Variants in EFNA5 observed in about 807,000 individuals in gnomAD.
EFNA5 encodes ephrin-A5.
Under a neutral mutation model 22.9 loss-of-function variants are expected in EFNA5, and 5 were observed. The ratio of observed to expected loss-of-function variants is 0.22; its 90% confidence interval spans 0.11 to 0.46. EFNA5 has a LOEUF of 0.46. Among genes scored for constraint, EFNA5 ranks in the 20% least tolerant of loss-of-function variants. The pLI is 0.99. For synonymous variants in EFNA5, 113 were observed against 112.2 expected (o/e 1.01, Z -0.04); for missense variants, 237 against 293.3 (o/e 0.81, Z 1.40).
At chr5:107,571,148 G>T (rs764620266) in intron 1 of EFNA5, among the ~76,000 whole-genome samples, 2 of 152,196 alleles carry the variant, frequency 1.3e-5, no homozygotes, top group Non-Finnish European at 2.9e-5. Flanking sequence ...AGTGGGGGAA[G>T]AGGGCTTAGG....
At chr5:107,613,866 A>G (rs1749867031) in intron 1 of EFNA5, among the ~76,000 whole-genome samples, 1 of 152,136 alleles carries the variant, frequency 6.6e-6, no homozygotes, top group African/African-American at 2.4e-5. Context: ...ACCCAATCAG[A>G]AAAGACTCAA....
At chr5:107,531,826 A>G (rs1214584321) in intron 1 of EFNA5, among the ~76,000 whole-genome samples, 1 of 152,228 alleles carries the variant, frequency 6.6e-6, no homozygotes, top group Non-Finnish European at 1.5e-5. Context: ...AGAAATCTTG[A>G]TTTAGTAGAT....
chr5:107,440,860 A>G (rs926010134), intron 1 of EFNA5, among the ~76,000 whole-genome samples: 34 of 152,142 alleles, frequency 2.2e-4, no homozygotes, highest in African/African-American at 8.2e-4. Context: ...TGTGATGGTA[A>G]ATGTTACTCT....
intron 1 of EFNA5, among the ~76,000 whole-genome samples, chr5:107,477,988 G>A (rs1435827663): frequency 1.3e-5 from 2 of 152,066 alleles, no homozygotes; most frequent in Non-Finnish European, 2.9e-5. Flanking sequence ...GCCATTTTTA[G>A]TGATAACCAC....
chr5:107,420,286 C>A (rs750842317), intron 2 of EFNA5, among the ~76,000 whole-genome samples: 1 of 151,914 alleles, frequency 6.6e-6, no homozygotes, highest in African/African-American at 2.4e-5. Flanking sequence ...TCAAAAAATG[C>A]AAAACTTTTT....
chr5:107,490,021 T>G (rs1339649299), intron 1 of EFNA5, among the ~76,000 whole-genome samples: 1 of 152,098 alleles, frequency 6.6e-6, no homozygotes, highest in Non-Finnish European at 1.5e-5. Flanking sequence ...GTCCCTCAGC[T>G]GGGGTACAAG....
intron 2 of EFNA5, among the ~76,000 whole-genome samples, chr5:107,392,517 A>G (rs1329776872): frequency 1.3e-5 from 2 of 152,182 alleles, no homozygotes; most frequent in Non-Finnish European, 2.9e-5. Flanking sequence ...AGTGAGCTGC[A>G]AAGTGAATCC....
intron 1 of EFNA5, among the ~76,000 whole-genome samples, chr5:107,600,408 G>A (rs540787581): frequency 3.9e-5 from 6 of 152,168 alleles, no homozygotes; most frequent in South Asian, 2.1e-4. Context: ...ATTCACTAAC[G>A]ATTACAACCT....
At position 107,380,621 on chromosome 5, in the gene EFNA5, T is replaced by C. The variant is rs943580674; in HGVS notation, c.*634A>G. 2.6e-6 allele frequency: 1 copy of C among 382,742 alleles called. No homozygotes were observed. The highest frequency in any genetic ancestry group is 4.6e-6 in the Non-Finnish European group (1 of 216,894). The allele number at this position is 382,742 out of a possible 1,614,324, so 23.7% of individuals were successfully genotyped here. On this transcript the variant is annotated 3_prime_UTR_variant, in exon 5 of 5. Coordinates refer to ENST00000333274, the MANE Select transcript of EFNA5 (RefSeq NM_001962.3). Reference sequence around the variant, plus strand: ...TTCTTTTAGAGAGCACAAGTTTTGCTGTCAAGAATGCTTTAAGACAGTCAT... The same window carrying C: ...TTCTTTTAGAGAGCACAAGTTTTGCCGTCAAGAATGCTTTAAGACAGTCAT...
chr5:107,604,093 T>G (rs1749660115), intron 1 of EFNA5, among the ~76,000 whole-genome samples: 1 of 152,220 alleles, frequency 6.6e-6, no homozygotes, highest in Non-Finnish European at 1.5e-5. Flanking sequence ...AATATTATTC[T>G]GCAATATGCA....
chr5:107,471,524 A>G (rs1284860361), intron 1 of EFNA5, among the ~76,000 whole-genome samples: 1 of 152,230 alleles, frequency 6.6e-6, no homozygotes, highest in African/African-American at 2.4e-5. Flanking sequence ...GGATCATGTC[A>G]CTATCTTGTC....
intron 1 of EFNA5, among the ~76,000 whole-genome samples, chr5:107,569,415 T>A (rs960091063): frequency 2.1e-5 from 3 of 144,096 alleles, no homozygotes; most frequent in Non-Finnish European, 4.5e-5. Flanking sequence ...ATATATATAT[T>A]TATGTATATG....
intron 1 of EFNA5, among the ~76,000 whole-genome samples, chr5:107,662,516 G>A (rs1201601752): frequency 1.3e-5 from 2 of 152,196 alleles, no homozygotes; most frequent in South Asian, 2.1e-4. Flanking sequence ...TTTTCCAAAT[G>A]TATCCAGAAA....
chr5:107,497,579 T>C (rs1312519468), intron 1 of EFNA5, among the ~76,000 whole-genome samples: 1 of 152,176 alleles, frequency 6.6e-6, no homozygotes, highest in African/African-American at 2.4e-5. Context: ...GTTTGGTGTC[T>C]GCATCTCACG....
chr5:107,382,787 A>G (rs1017308836), intron 4 of EFNA5, among the ~76,000 whole-genome samples: 4 of 152,176 alleles, frequency 2.6e-5, no homozygotes, highest in Non-Finnish European at 5.9e-5. Context: ...AGCAGTTGCC[A>G]TCTGGGAATT....
In EFNA5 at chr5:107,539,528, G is replaced by A. The variant is rs557955828; in HGVS notation, c.126-112019C>T. Reference sequence around the variant, plus strand: ...GGCTGAAGTGCAGTGGGGTGATCTCGGCTCACTGCAACCTCTGCCTCCCGG... The same window carrying A: ...GGCTGAAGTGCAGTGGGGTGATCTCAGCTCACTGCAACCTCTGCCTCCCGG... On this transcript the variant is annotated intron_variant, in intron 1 of 4. Coordinates refer to ENST00000333274, the MANE Select transcript of EFNA5 (RefSeq NM_001962.3). 2.2e-4 allele frequency among the ~76,000 whole-genome samples: 33 copies of A among 152,246 alleles called. No homozygotes were observed. In the South Asian group the frequency reaches 5.4e-3, roughly 25 times the overall value.
At chr5:107,637,938 C>G (rs1007904263) in intron 1 of EFNA5, among the ~76,000 whole-genome samples, 2 of 151,698 alleles carry the variant, frequency 1.3e-5, no homozygotes, top group Non-Finnish European at 2.9e-5. Flanking sequence ...GCTCCGCCTC[C>G]TGGGTTCATG....
intron 2 of EFNA5, among the ~76,000 whole-genome samples, chr5:107,419,893 G>A (rs766113797): frequency 4.6e-5 from 7 of 152,084 alleles, no homozygotes; most frequent in Non-Finnish European, 8.8e-5. Flanking sequence ...AGCAAATATC[G>A]AGTGTTTCAT....
intron 1 of EFNA5, among the ~76,000 whole-genome samples, chr5:107,617,305 G>A (rs1299082794): frequency 6.6e-6 from 1 of 151,418 alleles, no homozygotes; most frequent in Non-Finnish European, 1.5e-5. Flanking sequence ...AGGAGAAAAT[G>A]GAACTGGAAC....
Sources: allele counts gnomAD v4.1 joint callset (sites outside exome capture counted in the v4.1 genomes callset), GRCh38; gene constraint gnomAD v4.1.1; transcripts MANE v1.5; gene names NCBI Gene and HGNC (gene_info 2026-07-23, HGNC 2026-07-21).